Variants in RALGPS2 observed in about 807,000 individuals in gnomAD.
The protein encoded by RALGPS2 is Ral GEF with PH domain and SH3 binding motif 2, also known as ras-specific guanine nucleotide-releasing factor RalGPS2.
A neutral mutation model predicts 86.8 loss-of-function variants in RALGPS2; 43 were observed. The ratio of observed to expected loss-of-function variants is 0.50; its 90% CI spans 0.39 to 0.64. The LOEUF is 0.64. RALGPS2 is among the 30% of genes least tolerant of loss of function. RALGPS2 has a pLI of 0.00. For missense variants in RALGPS2, 536 were observed against 694.6 expected (o/e 0.77, Z 2.57); for synonymous variants, 243 against 231.3 (o/e 1.05, Z -0.46).
intron 9 of RALGPS2, among the ~76,000 whole-genome samples, chr1:178,878,503 A>T (rs370671833): frequency 6.6e-6 from 1 of 152,144 alleles, no homozygotes; most frequent in Non-Finnish European, 1.5e-5. Flanking sequence ...TCAAGTTGTG[A>T]TGTTAAATTA....
chr1:178,733,492 G>A (rs750846854), intron 1 of RALGPS2, among the ~76,000 whole-genome samples: 2 of 152,170 alleles, frequency 1.3e-5, no homozygotes, highest in Admixed American at 6.5e-5. Context: ...TTAGAAAACC[G>A]CAAATTAAAA....
intron 8 of RALGPS2, chr1:178,865,576 G>A (rs2102337083): frequency 1.2e-6 from 2 of 1,614,082 alleles, no homozygotes; most frequent in Non-Finnish European, 1.7e-6. Context: ...GCCCCTTGGT[G>A]TTGACACAGA....
At chr1:178,881,321 C>A (rs750712183) in intron 10 of RALGPS2, among the ~76,000 whole-genome samples, 4 of 151,822 alleles carry the variant, frequency 2.6e-5, no homozygotes, top group African/African-American at 9.7e-5. Context: ...GTTAGTCTCA[C>A]GTGAAGGGTA....
chr1:178,845,629 A>AATTATTTTTGTTT (rs1420979421), intron 8 of RALGPS2, among the ~76,000 whole-genome samples: 3 of 152,210 alleles, frequency 2.0e-5, no homozygotes, highest in Non-Finnish European at 4.4e-5. Context: ...TTTAAACAAT[A>AATTATTTTTGTTT]AATGTATTTG....
chr1:178,836,282 C>T lies in RALGPS2; in HGVS notation c.607+2732C>T, dbSNP rs185381576. On this transcript the variant is annotated intron_variant, in intron 8 of 19. Transcript: ENST00000367635. ...TCATACCTACGGGTTAAAGCAAATG[C>T]GGAAAATGTTGAGGTACAGATGTTA... is the stretch of plus-strand genomic sequence containing the variant. Among the ~76,000 whole-genome samples, 377 of 152,236 alleles carry T rather than the reference C, an allele frequency of 2.5e-3. 1 individual carries two copies. Among genetic ancestry groups the T allele is most frequent in the African/African-American group, 8.5e-3 (353 of 41,534 alleles).
In RALGPS2 at chr1:178,864,605, G is replaced by A. The variant is rs528093840; in HGVS notation, c.608-12893G>A. On this transcript the variant is annotated intron_variant, in intron 8 of 19. Transcript: ENST00000367635. ...AATAAAAGAATTGTCGGGTAGCAGC[G>A]ACGACCTAGCTAGAAGCTGATAGGA... 8.5e-5 allele frequency among the ~76,000 whole-genome samples: 13 copies of A among 152,242 alleles called. No homozygotes were observed. In the East Asian group the frequency reaches 2.5e-3, roughly 29 times the overall value.
chr1:178,829,262 G>A (rs1332958142), intron 7 of RALGPS2, among the ~76,000 whole-genome samples: 1 of 152,186 alleles, frequency 6.6e-6, no homozygotes, highest in Non-Finnish European at 1.5e-5. Flanking sequence ...GGAAATGTTG[G>A]GTCAGTAGGT....
intron 8 of RALGPS2, among the ~76,000 whole-genome samples, chr1:178,862,560 G>A (rs187463437): frequency 8.4e-4 from 128 of 152,142 alleles, no homozygotes; most frequent in Middle Eastern, 6.8e-3. Flanking sequence ...ACCTGTAGGC[G>A]TCAACAAGGG....
intron 7 of RALGPS2, among the ~76,000 whole-genome samples, chr1:178,826,947 G>A (rs1366784849): frequency 6.6e-6 from 1 of 152,142 alleles, no homozygotes; most frequent in Non-Finnish European, 1.5e-5. Context: ...AGAACTATTA[G>A]AGTTCTAACA....
intron 8 of RALGPS2, chr1:178,851,031 G>A: frequency 8.7e-7 from 1 of 1,154,986 alleles, no homozygotes; most frequent in East Asian, 2.6e-5. Flanking sequence ...TTTCTGTGTA[G>A]AAATAAATTG....
At chr1:178,874,572 A>T (rs574836394) in intron 8 of RALGPS2, among the ~76,000 whole-genome samples, 4 of 152,044 alleles carry the variant, frequency 2.6e-5, no homozygotes, top group African/African-American at 7.2e-5. Flanking sequence ...AAGGAATGAC[A>T]TTTTTTTGCA....
At chr1:178,746,608 A>AGTG in intron 1 of RALGPS2, 2 of 732,636 alleles carry the variant, frequency 2.7e-6, no homozygotes, top group East Asian at 5.1e-5. Flanking sequence ...AAGTTTCCAG[A>AGTG]GTGGGCTTCA....
intron 1 of RALGPS2, among the ~76,000 whole-genome samples, chr1:178,735,032 A>T (rs972690603): frequency 6.6e-6 from 1 of 152,204 alleles, no homozygotes; most frequent in Non-Finnish European, 1.5e-5. Context: ...ACCATAGCAA[A>T]CAGGGCATGT....
Position 178,747,506 on chromosome 1 carries a change from C to T in RALGPS2, c.-84+22087C>T, listed in dbSNP as rs182637975. The T allele has an allele frequency of 8.1e-5, 130 of 1,610,108 alleles. 1 individual carries two copies. Among genetic ancestry groups the T allele is most frequent in the South Asian group, 5.4e-4 (49 of 90,956 alleles). ...TTTAACCAATTCTTTCTCCATAATG[C>T]GGTTCAGCATGACAACTGCTTTGGT... On this transcript the variant is annotated intron_variant, in intron 1 of 19. Coordinates refer to ENST00000367635, the MANE Select transcript of RALGPS2 (RefSeq NM_152663.5).
At chr1:178,796,826 A>G (rs1427600282) in intron 4 of RALGPS2, among the ~76,000 whole-genome samples, 3 of 152,196 alleles carry the variant, frequency 2.0e-5, no homozygotes, top group African/African-American at 7.2e-5. Context: ...AATAAATGCA[A>G]GTGAAAATTG....
intron 1 of RALGPS2, among the ~76,000 whole-genome samples, chr1:178,742,919 A>G (rs116366067): frequency 0.036 from 5,521 of 152,326 alleles, 124 homozygotes; most frequent in Middle Eastern, 0.058. Context: ...GAAAACAACA[A>G]ATCAGAATTT....
At chr1:178,913,962 G>A (rs1200766490) in intron 19 of RALGPS2, among the ~76,000 whole-genome samples, 1 of 152,166 alleles carries the variant, frequency 6.6e-6, no homozygotes, top group Non-Finnish European at 1.5e-5. Context: ...GGATGGTGGG[G>A]GCCACTGGTA....
intron 1 of RALGPS2, among the ~76,000 whole-genome samples, chr1:178,728,880 T>G (rs944678585): frequency 7.9e-5 from 12 of 152,330 alleles, no homozygotes; most frequent in African/African-American, 2.9e-4. Context: ...CATTTACCTA[T>G]TCTATGGAAA....
At chr1:178,843,911 A>G (rs891068701) in intron 8 of RALGPS2, among the ~76,000 whole-genome samples, 1 of 152,320 alleles carries the variant, frequency 6.6e-6, no homozygotes, top group Admixed American at 6.5e-5. Flanking sequence ...CGTTTCCAGT[A>G]TGAAAATCAT....
Sources: allele counts gnomAD v4.1 joint callset (sites outside exome capture counted in the v4.1 genomes callset), GRCh38; gene constraint gnomAD v4.1.1; transcripts MANE v1.5; gene names NCBI Gene and HGNC (gene_info 2026-07-23, HGNC 2026-07-21).